LANCL2: variants seen among roughly 807,000 people sequenced by gnomAD.
The protein encoded by LANCL2 is lanC-like protein 2.
Under a neutral mutation model 56.9 loss-of-function variants are expected in LANCL2, and 33 were observed. The observed-to-expected ratio is 0.58, with a 90% CI of 0.44 to 0.78. The LOEUF (loss-of-function observed/expected upper bound fraction) is 0.78, where lower values mean the gene tolerates loss of function less well. Among genes scored for constraint, LANCL2 ranks in the 30% least tolerant of loss-of-function variants. The pLI, the probability that LANCL2 is intolerant of heterozygous loss-of-function variation, is 0.00. For missense variants in LANCL2, 562 were observed against 580.2 expected (o/e 0.97, Z 0.32); for synonymous variants, 233 against 228.2 (o/e 1.02, Z -0.19).
intron 1 of LANCL2, among the ~76,000 whole-genome samples, chr7:55,370,910 G>A (rs1049909112): frequency 6.6e-6 from 1 of 152,190 alleles, no homozygotes; most frequent in Non-Finnish European, 1.5e-5. Flanking sequence ...ATTTAAAATT[G>A]TATATTTAAG....
chr7:55,376,376 T>A (rs1562856655), intron 1 of LANCL2, among the ~76,000 whole-genome samples: 2 of 152,214 alleles, frequency 1.3e-5, no homozygotes, highest in Non-Finnish European at 2.9e-5. Flanking sequence ...AGACTCCGCA[T>A]GGACAGCCCT....
rs558628506 is a variant in LANCL2 at position 55,401,082 on chromosome 7, A to C, written c.679-92A>C. 1.5e-5 allele frequency: 15 copies of C among 1,018,098 alleles called. No individual in the cohort carries two copies. In the East Asian group the frequency reaches 3.6e-4, roughly 25 times the overall value. 63.1% of individuals were successfully genotyped at this position (1,018,098 alleles called of 1,614,324 possible). On this transcript the variant is annotated intron_variant, in intron 4 of 8. Transcript: ENST00000254770. ...GATTAAGGCTTCTGCCTCTCTCTCT[A>C]TATATGTCATATATATATGACATAC...
chr7:55,382,052 T>G (rs555216378), intron 1 of LANCL2, among the ~76,000 whole-genome samples: 3 of 152,308 alleles, frequency 2.0e-5, no homozygotes, highest in African/African-American at 7.2e-5. Context: ...GGCATCTACT[T>G]CTCAGTTCAA....
intron 6 of LANCL2, among the ~76,000 whole-genome samples, chr7:55,414,144 TA>T (rs1389410654): frequency 1.3e-5 from 2 of 152,194 alleles, no homozygotes. Flanking sequence ...ATCTTCTTCA[TA>T]GTATAAACTA....
intron 1 of LANCL2, among the ~76,000 whole-genome samples, chr7:55,370,804 G>A (rs897768746): frequency 1.3e-5 from 2 of 152,170 alleles, no homozygotes; most frequent in Non-Finnish European, 2.9e-5. Flanking sequence ...GGAGAAGAGG[G>A]AGCGTGAATG....
At chr7:55,366,263 G>T (rs1203000948) in intron 1 of LANCL2, 34 bp downstream of exon 1, 1 of 1,437,146 alleles carries the variant, frequency 7.0e-7, no homozygotes, top group South Asian at 1.4e-5. Context: ...AGGCGCCGGA[G>T]GGGGAGCGCG....
intron 2 of LANCL2, among the ~76,000 whole-genome samples, 185 bp from the exon 3 acceptor site, chr7:55,398,238 C>T (rs976188173): frequency 2.6e-5 from 4 of 152,078 alleles, no homozygotes; most frequent in African/African-American, 9.7e-5. Context: ...TCCCTGATTT[C>T]TCTGTCTTGG....
At chr7:55,422,475 T>G (rs1790619513) in intron 6 of LANCL2, among the ~76,000 whole-genome samples, 2 of 152,242 alleles carry the variant, frequency 1.3e-5, no homozygotes, top group South Asian at 4.1e-4. Flanking sequence ...AACTGTTACA[T>G]GCCTAGATGT....
intron 6 of LANCL2, among the ~76,000 whole-genome samples, chr7:55,424,989 C>T (rs944973191): frequency 1.3e-5 from 2 of 152,234 alleles, no homozygotes; most frequent in Non-Finnish European, 2.9e-5. Context: ...ATCCCCCACT[C>T]ACCTTCCTGG....
Position 55,366,180 on chromosome 7 carries a change from C to A in LANCL2, c.155C>A (p.Pro52His), listed in dbSNP as rs748242301. 7 of 1,556,890 alleles carry A rather than the reference C, an allele frequency of 4.5e-6. No individual in the cohort carries two copies. In the East Asian group the frequency reaches 1.2e-4, roughly 27 times the overall value. The part of the protein sequence containing the change: ...GAAEETGCVR[P>H]PATTDEPGLP... ...GCCGAAGAGACAGGCTGTGTTCGTC[C>A]CCCGGCGACCACGGATGAGCCCGGC... Residue 52 changes from proline to histidine, a missense_variant, in exon 1 of 9, where the codon CCC (proline) becomes CAC (histidine). By Grantham distance (77) the Pro-to-His change is moderately conservative. Around this residue, in one of 2 missense-constraint regions of LANCL2, gnomAD observed 184 missense variants for 111.8 expected, o/e 1.65. Coordinates refer to ENST00000254770, the MANE Select transcript of LANCL2 (RefSeq NM_018697.4).
chr7:55,383,783 G>A (rs1031329917), intron 1 of LANCL2, among the ~76,000 whole-genome samples: 1 of 152,174 alleles, frequency 6.6e-6, no homozygotes, highest in Non-Finnish European at 1.5e-5. Flanking sequence ...TGTGCAGTAA[G>A]CCCAGATAAT....
chr7:55,392,318 A>G (rs1026743145), intron 2 of LANCL2, among the ~76,000 whole-genome samples: 12 of 149,820 alleles, frequency 8.0e-5, no homozygotes, highest in Non-Finnish European at 1.3e-4. Flanking sequence ...TAAAGATTTT[A>G]TATCTTTTTT....
At position 55,411,952 on chromosome 7, in the gene LANCL2, C is replaced by A; in HGVS notation, c.871C>A (p.Pro291Thr). 2 of 1,614,098 alleles carry A rather than the reference C, an allele frequency of 1.2e-6. No homozygotes were observed. Among genetic ancestry groups the A allele is most frequent in the Non-Finnish European group, 1.7e-6 (2 of 1,180,004 alleles). The change falls in exon 6 of 9, where the codon CCC becomes ACC. Residue 291 changes from proline (P) to threonine (T), a missense_variant. By Grantham distance (38) the Pro-to-Thr change is conservative (BLOSUM62 -1). Coordinates refer to ENST00000254770, the MANE Select transcript of LANCL2 (RefSeq NM_018697.4). ...AGAAACCTTGACAGAAATGGTGAAA[C>A]CCAGTATTGATTATGTGCGCCACAA... The part of the protein sequence containing the change: ...DQETLTEMVK[P>T]SIDYVRHKKF...
intron 1 of LANCL2, among the ~76,000 whole-genome samples, chr7:55,371,104 T>A (rs924448481): frequency 2.0e-5 from 3 of 152,236 alleles, no homozygotes; most frequent in Non-Finnish European, 4.4e-5. Flanking sequence ...AGTTTTCATG[T>A]TGTGCCTTAG....
At chr7:55,400,140 C>G (rs916413183) in intron 4 of LANCL2, 36 bp downstream of exon 4, 1 of 1,478,060 alleles carries the variant, frequency 6.8e-7, no homozygotes, top group East Asian at 2.4e-5. Flanking sequence ...GGCGTCTCTA[C>G]CATTCAAACC....
rs1306718542 is a variant in LANCL2 at position 55,365,988 on chromosome 7, GA to G, written c.-37del. 7.3e-7 allele frequency: 1 copy of G among 1,376,072 alleles called. No individual in the cohort carries two copies. Among genetic ancestry groups the G allele is most frequent in the Non-Finnish European group, 9.5e-7 (1 of 1,051,288 alleles). The allele number at this position is 1,376,072 out of a possible 1,614,324, so 85.2% of individuals were successfully genotyped here. A position where few individuals can be genotyped will look rare whatever the true frequency, so the allele number is the denominator to read the frequency against. ...GGGGCGAGCTGCAGCGCCGGGACAG[GA>G]GGTTTGTCCCCGCCCGCGCGCCGTA... On this transcript the variant is annotated 5_prime_UTR_variant, in exon 1 of 9. Transcript: ENST00000254770.
intron 2 of LANCL2, chr7:55,396,983 TGAA>T (rs1790260821): frequency 6.6e-6 from 1 of 152,230 alleles, no homozygotes; most frequent in African/African-American, 2.4e-5. Context: ...CAACTCATGC[TGAA>T]GAATTTTTTT....
intron 3 of LANCL2, 71 bp from the exon 4 acceptor site, chr7:55,399,886 C>G: frequency 8.4e-7 from 1 of 1,190,784 alleles, no homozygotes. Flanking sequence ...CCTAAAGCAA[C>G]AGGGTTAGTG....
chr7:55,403,974 G>A (rs1302989518), intron 5 of LANCL2, among the ~76,000 whole-genome samples: 2 of 152,170 alleles, frequency 1.3e-5, no homozygotes, highest in Non-Finnish European at 2.9e-5. Flanking sequence ...CCCAACTGAG[G>A]CAGAGACTTT....
Sources: gnomAD v4.1 joint callset for allele counts (sites outside exome capture counted in the v4.1 genomes callset) on GRCh38, gnomAD v4.1.1 for gene constraint, gnomAD v4.1.1 regional missense constraint, MANE v1.5 for transcripts, NCBI Gene and HGNC (gene_info 2026-07-23, HGNC 2026-07-21) for gene names.